The following MATN2 variants were observed in gnomAD, a reference collection of about 807,000 sequenced individuals.
MATN2 encodes matrilin 2.
Under a neutral mutation model 103.2 loss-of-function variants are expected in MATN2, and 69 were observed. The ratio of observed to expected loss-of-function variants is 0.67; its 90% CI spans 0.55 to 0.82. The LOEUF is 0.82. Ranked by LOEUF, MATN2 falls within the 40% of genes least tolerant of loss-of-function variation. MATN2 has a pLI of 0.00. For missense variants in MATN2, 1,023 were observed against 1,211.5 expected, an observed-to-expected ratio of 0.84 and a Z score of 2.31; for synonymous variants, 429 against 450.2, an observed-to-expected ratio of 0.95 and a Z score of 0.60.
chr8:97,879,519 G>T (rs1818181633), intron 1 of MATN2, among the ~76,000 whole-genome samples: 1 of 152,226 alleles, frequency 6.6e-6, no homozygotes, highest in African/African-American at 2.4e-5. Context: ...GTCTGGCTGA[G>T]AAAGGGTGTG....
At chr8:97,996,584 A>AACGGG (rs960754862) in intron 7 of MATN2, among the ~76,000 whole-genome samples, 35 of 152,294 alleles carry the variant, frequency 2.3e-4, no homozygotes, top group African/African-American at 8.4e-4. Flanking sequence ...GCCCTCGCCC[A>AACGGG]ACGTCCCGCC....
chr8:97,944,926 C>G (rs1330453494), intron 4 of MATN2, among the ~76,000 whole-genome samples: 1 of 152,212 alleles, frequency 6.6e-6, no homozygotes, highest in Non-Finnish European at 1.5e-5. Flanking sequence ...CCCAAAGCAC[C>G]TCTTACTCTC....
In MATN2 at chr8:98,032,309, A is replaced by G; in HGVS notation, c.2573A>G (p.Gln858Arg). 6.2e-7 allele frequency: 1 copy of G among 1,610,174 alleles called. No homozygotes were observed. Among genetic ancestry groups the G allele is most frequent in the South Asian group, 1.1e-5 (1 of 90,256 alleles). ...PAGELPKTVQ[Q>R]PTESEPVTIN... ...GGGGAACTGCCAAAAACGGTCCAACAGCCAACAGGTACAGTTTTTAAGGCA... is the reference window on the plus strand; with the variant it reads ...GGGGAACTGCCAAAAACGGTCCAACGGCCAACAGGTACAGTTTTTAAGGCA... Residue 858 changes from glutamine (Q) to arginine (R), a missense_variant, in exon 16 of 19, where the codon CAG becomes CGG. Physicochemically the swap from Gln to Arg is conservative, Grantham distance 43. Transcript: ENST00000254898.
chr8:97,908,941 G>GC (rs1563659970), intron 2 of MATN2, among the ~76,000 whole-genome samples: 1 of 151,058 alleles, frequency 6.6e-6, no homozygotes. Flanking sequence ...GCCCCTCCCC[G>GC]CCCCCTTTTT....
At chr8:97,921,853 C>T (rs556410867) in intron 2 of MATN2, among the ~76,000 whole-genome samples, 2 of 152,198 alleles carry the variant, frequency 1.3e-5, no homozygotes, top group Non-Finnish European at 2.9e-5. Context: ...TGCGTACAGC[C>T]GGGGTTCCCA....
intron 4 of MATN2, among the ~76,000 whole-genome samples, chr8:97,947,687 C>T (rs1307097941): frequency 3.3e-5 from 5 of 152,084 alleles, no homozygotes; most frequent in Non-Finnish European, 7.4e-5. Flanking sequence ...CAATTCTTTC[C>T]AAATTGATCC....
intron 10 of MATN2, among the ~76,000 whole-genome samples, chr8:98,010,843 C>T (rs952153092): frequency 3.0e-4 from 46 of 152,226 alleles, no homozygotes; most frequent in African/African-American, 1.1e-3. Flanking sequence ...AGTCCAACTA[C>T]CACAGGCAGA....
intron 1 of MATN2, among the ~76,000 whole-genome samples, chr8:97,869,850 C>T (rs1007357045): frequency 6.6e-6 from 1 of 152,098 alleles, no homozygotes; most frequent in Non-Finnish European, 1.5e-5. Flanking sequence ...CAATTTGGAG[C>T]CGTTTGGGGA....
intron 2 of MATN2, among the ~76,000 whole-genome samples, chr8:97,903,008 G>T (rs1427410929): frequency 1.3e-5 from 2 of 152,304 alleles, no homozygotes; most frequent in Middle Eastern, 3.4e-3. Context: ...AGACTCCTGG[G>T]ATGTTATAGT....
At chr8:97,981,500 C>G (rs1480595341) in intron 6 of MATN2, among the ~76,000 whole-genome samples, 4 of 151,686 alleles carry the variant, frequency 2.6e-5, no homozygotes. Flanking sequence ...ATTTCCACTG[C>G]AAGCTGGTGA....
At chr8:97,903,754 T>C (rs1051986460) in intron 2 of MATN2, among the ~76,000 whole-genome samples, 2 of 152,180 alleles carry the variant, frequency 1.3e-5, no homozygotes, top group African/African-American at 4.8e-5. Flanking sequence ...AGGTAACCTG[T>C]ACCCTCAGGC....
chr8:97,878,547 A>C (rs1818152958), intron 1 of MATN2, among the ~76,000 whole-genome samples: 1 of 147,726 alleles, frequency 6.8e-6, no homozygotes, highest in Non-Finnish European at 1.5e-5. Flanking sequence ...CTCTGTCTCA[A>C]AAAAAAAAAA....
At chr8:97,902,485 G>A (rs1819021491) in intron 2 of MATN2, among the ~76,000 whole-genome samples, 1 of 135,064 alleles carries the variant, frequency 7.4e-6, no homozygotes, top group Non-Finnish European at 1.6e-5. Context: ...CAACAAGAAC[G>A]AAACTCCGTC....
intron 3 of MATN2, among the ~76,000 whole-genome samples, chr8:97,938,160 C>T (rs927380697): frequency 1.3e-5 from 2 of 152,152 alleles, no homozygotes; most frequent in African/African-American, 4.8e-5. Flanking sequence ...TGGTTGCCTA[C>T]ACACTACACT....
rs1813862853 is a variant in MATN2 at position 98,027,744 on chromosome 8, A to C, written c.2271A>C (p.Thr757=). The C allele has an allele frequency of 1.9e-6, 3 of 1,612,900 alleles. No homozygotes were observed. The highest frequency in any genetic ancestry group is 2.2e-5 in the South Asian group (2 of 90,930). Residue 757 remains threonine (T), a synonymous_variant, in exon 14 of 19, where the codon ACA becomes ACC. Coordinates refer to ENST00000254898, the MANE Select transcript of MATN2 (RefSeq NM_002380.5). ...TQGEGARPLS[T]RVPRAAIVFT... ...GAGAAGGGGCCAGGCCCCTTTCCAC[A>C]AGGGTGCCCAGAGCAGCCATTGTGT...
chr8:97,917,928 T>C (rs1346320497), intron 2 of MATN2, among the ~76,000 whole-genome samples: 1 of 151,948 alleles, frequency 6.6e-6, no homozygotes, highest in East Asian at 1.9e-4. Context: ...CTTTCAAAAA[T>C]ACAAAAAATT....
chr8:98,011,153 G>C lies in MATN2; in HGVS notation c.1573+3552G>C, dbSNP rs1813145150. On this transcript the variant is annotated intron_variant, in intron 10 of 18. Transcript: ENST00000254898. ...GGTTGTAGGGGGTGAGAGAGCAAAA[G>C]AGTGCAGGCAAGTTCTCTGGTGTCT... Among the ~76,000 whole-genome samples, 3 of 152,148 alleles carry C rather than the reference G, an allele frequency of 2.0e-5. No homozygotes were observed. In the South Asian group the frequency reaches 6.2e-4, roughly 32 times the overall value.
At chr8:97,881,054 A>G (rs1818237980) in intron 1 of MATN2, among the ~76,000 whole-genome samples, 1 of 152,176 alleles carries the variant, frequency 6.6e-6, no homozygotes, top group South Asian at 2.1e-4. Flanking sequence ...GATTGTGGGG[A>G]TCAAATGAGA....
rs1179833313 is a variant in MATN2, at chr8:98,005,560, TTC to T, written c.1328-1539_1328-1538del. 6.6e-6 allele frequency among the ~76,000 whole-genome samples: 1 copy of T among 152,154 alleles called. No homozygotes were observed. Among genetic ancestry groups the T allele is most frequent in the Non-Finnish European group, 1.5e-5 (1 of 68,026 alleles). On this transcript the variant is annotated intron_variant, in intron 8 of 18. Coordinates refer to ENST00000254898, the MANE Select transcript of MATN2 (RefSeq NM_002380.5). This position sits in a 1 kb window ranked among gnomAD's most constrained non-coding sequence, Gnocchi z 4.6. The stretch of plus-strand genomic sequence containing the variant: ...GACCACAAGAGATCGGGACCCTCCC[TTC>T]TCTCTGGGATCTAGTCAACTCTAAG...
Sources: allele counts gnomAD v4.1 joint callset (sites outside exome capture counted in the v4.1 genomes callset), GRCh38; gene constraint gnomAD v4.1.1; non-coding constraint Gnocchi (gnomAD v3.1); transcripts MANE v1.5; gene names NCBI Gene and HGNC (gene_info 2026-07-23, HGNC 2026-07-21).